The following ZHX2 variants were observed in gnomAD, a reference collection of about 807,000 sequenced individuals.
The protein encoded by ZHX2 is zinc fingers and homeoboxes protein 2.
A neutral mutation model predicts 21.9 loss-of-function variants in ZHX2; 6 were observed. The ratio of observed to expected loss-of-function variants is 0.27; its 90% CI spans 0.15 to 0.54. ZHX2 has a LOEUF of 0.54. Ranked by LOEUF, ZHX2 falls within the 20% of genes least tolerant of loss-of-function variation. The pLI, the probability that ZHX2 is intolerant of heterozygous loss-of-function variation, is 0.95. For synonymous variants in ZHX2, 434 were observed against 437.1 expected (o/e 0.99, Z 0.09); for missense variants, 908 against 1,090.7 (o/e 0.83, Z 2.36).
At chr8:122,843,959 T>TCACACACACACACA (rs3221811) in intron 1 of ZHX2, among the ~76,000 whole-genome samples, 3,173 of 148,892 alleles carry the variant, frequency 0.021, 46 homozygotes, top group Middle Eastern at 0.041. Flanking sequence ...TTCTCACCCT[T>TCACACACACACACA]CACACACACA....
At chr8:122,783,094 C>A (rs1371559334) in intron 1 of ZHX2, among the ~76,000 whole-genome samples, 4 of 152,098 alleles carry the variant, frequency 2.6e-5, no homozygotes, top group Admixed American at 1.3e-4. Context: ...GTTTGTCAGG[C>A]TGGGGAGAAA....
chr8:122,956,026 G>A (rs942589136), intron 3 of ZHX2, among the ~76,000 whole-genome samples: 1 of 151,928 alleles, frequency 6.6e-6, no homozygotes, highest in Non-Finnish European at 1.5e-5. Flanking sequence ...CATATTTTTA[G>A]TAGAGACGGG....
intron 1 of ZHX2, among the ~76,000 whole-genome samples, chr8:122,833,831 C>G (rs906018539): frequency 1.3e-5 from 2 of 151,940 alleles, no homozygotes; most frequent in Admixed American, 1.3e-4. Flanking sequence ...CTCATCTCTA[C>G]TAAAAAATAC....
Position 122,794,448 on chromosome 8 carries a change from G to T in ZHX2, c.-283+12502G>T, listed in dbSNP as rs147473795. On this transcript the variant is annotated intron_variant, in intron 1 of 3. Transcript: ENST00000314393. Reference sequence around the variant, plus strand: ...TCTCCTGGTCACTGCTTTCCTAGGGGTCAGAAACCCAAATGCTTTCAAGAG... The same window carrying T: ...TCTCCTGGTCACTGCTTTCCTAGGGTTCAGAAACCCAAATGCTTTCAAGAG... Among the ~76,000 whole-genome samples the T allele has an allele frequency of 9.9e-5, 15 of 152,244 alleles. No homozygotes were observed. In the East Asian group the frequency reaches 2.9e-3, roughly 29 times the overall value.
chr8:122,861,196 C>T (rs1819159492), intron 1 of ZHX2, among the ~76,000 whole-genome samples: 1 of 152,264 alleles, frequency 6.6e-6, no homozygotes, highest in East Asian at 1.9e-4. Flanking sequence ...TCATGGACAG[C>T]ATGGAGTCAT....
intron 2 of ZHX2, among the ~76,000 whole-genome samples, chr8:122,924,733 T>C (rs1045525046): frequency 1.3e-5 from 2 of 152,134 alleles, no homozygotes; most frequent in East Asian, 1.9e-4. Flanking sequence ...GAATGAATGA[T>C]TGAATGAACC....
intron 1 of ZHX2, among the ~76,000 whole-genome samples, chr8:122,807,023 G>A (rs1471308532): frequency 6.6e-6 from 1 of 152,208 alleles, no homozygotes; most frequent in Non-Finnish European, 1.5e-5. Context: ...GGGCGAGGAT[G>A]TGCACTCAGA....
chr8:122,833,643 T>A (rs1818428730), intron 1 of ZHX2, among the ~76,000 whole-genome samples: 1 of 152,004 alleles, frequency 6.6e-6, no homozygotes, highest in African/African-American at 2.4e-5. Flanking sequence ...GAGAGTAGTG[T>A]GGCGTTTTGA....
intron 1 of ZHX2, among the ~76,000 whole-genome samples, chr8:122,813,191 T>G (rs1817966202): frequency 7.0e-6 from 1 of 143,300 alleles, no homozygotes; most frequent in African/African-American, 2.6e-5. Flanking sequence ...AGTGAAACTC[T>G]GTCTCAAAAA....
At chr8:122,894,461 A>G (rs1036927394) in intron 2 of ZHX2, among the ~76,000 whole-genome samples, 9 of 152,282 alleles carry the variant, frequency 5.9e-5, no homozygotes, top group African/African-American at 1.9e-4. Flanking sequence ...TTTGTCATTT[A>G]AAAAAATCCA....
At chr8:122,950,126 ACTTCTAGGCATC>A (rs1381362132) in intron 2 of ZHX2, among the ~76,000 whole-genome samples, 2 of 152,140 alleles carry the variant, frequency 1.3e-5, no homozygotes, top group African/African-American at 2.4e-5. Context: ...CAAGAGAACC[ACTTCTAGGCATC>A]CATCCAAAGG....
At chr8:122,943,566 A>G (rs1406741283) in intron 2 of ZHX2, among the ~76,000 whole-genome samples, 3 of 152,214 alleles carry the variant, frequency 2.0e-5, no homozygotes, top group Non-Finnish European at 2.9e-5. Context: ...TCAAACCCCA[A>G]TTGTTCAGCC....
At chr8:122,835,384 G>A (rs1818471050) in intron 1 of ZHX2, among the ~76,000 whole-genome samples, 1 of 152,358 alleles carries the variant, frequency 6.6e-6, no homozygotes, top group Admixed American at 6.5e-5. Flanking sequence ...GGGTGGTTGA[G>A]TTGATAAGCA....
At chr8:122,954,890 A>G (rs1288599817) in intron 3 of ZHX2, among the ~76,000 whole-genome samples, 1 of 151,886 alleles carries the variant, frequency 6.6e-6, no homozygotes, top group Non-Finnish European at 1.5e-5. Context: ...TTAAGAATAC[A>G]TATCCAAGTT....
chr8:122,839,957 T>C (rs10111417), intron 1 of ZHX2, among the ~76,000 whole-genome samples: 1 of 152,104 alleles, frequency 6.6e-6, no homozygotes. Context: ...TTGAGAAATA[T>C]ATATTCTGGC....
chr8:122,827,235 G>A (rs1298686680), intron 1 of ZHX2, among the ~76,000 whole-genome samples: 1 of 152,004 alleles, frequency 6.6e-6, no homozygotes, highest in African/African-American at 2.4e-5. Flanking sequence ...ACAGGGTTTC[G>A]CCATGTTGTG....
chr8:122,957,195 G>A (rs1813325634), intron 3 of ZHX2, among the ~76,000 whole-genome samples: 1 of 150,236 alleles, frequency 6.7e-6, no homozygotes, highest in African/African-American at 2.5e-5. Context: ...TGTCTCCAGA[G>A]TCCTCACTCT....
intron 2 of ZHX2, among the ~76,000 whole-genome samples, chr8:122,900,629 A>G (rs1820206062): frequency 6.6e-6 from 1 of 152,180 alleles, no homozygotes; most frequent in African/African-American, 2.4e-5. Context: ...GACATTCAAT[A>G]TACGTTGGCC....
intron 2 of ZHX2, among the ~76,000 whole-genome samples, chr8:122,865,348 T>G (rs906180398): frequency 1.3e-5 from 2 of 152,058 alleles, no homozygotes; most frequent in Non-Finnish European, 2.9e-5. Context: ...CAGGATGGTC[T>G]CGATCTCCTG....
Sources: gnomAD v4.1 joint callset for allele counts (sites outside exome capture counted in the v4.1 genomes callset) on GRCh38, gnomAD v4.1.1 for gene constraint, MANE v1.5 for transcripts, NCBI Gene and HGNC (gene_info 2026-07-23, HGNC 2026-07-21) for gene names.